The following RYR1 variants were observed in gnomAD, a reference collection of about 807,000 sequenced individuals.
RYR1 encodes ryanodine receptor 1.
A neutral mutation model predicts 583.5 loss-of-function variants in RYR1; 342 were observed. The observed-to-expected ratio is 0.59, with a 90% CI of 0.54 to 0.64. The LOEUF (loss-of-function observed/expected upper bound fraction) is 0.64. RYR1 is among the 30% of genes least tolerant of loss of function. The pLI, the probability that RYR1 is intolerant of heterozygous loss-of-function variation, is 0.00. For synonymous variants in RYR1, 2,791 were observed against 2,822.5 expected (o/e 0.99, Z 0.35); for missense variants, 6,032 against 6,917.2 (o/e 0.87, Z 4.54).
Position 38,466,291 on chromosome 19 carries a change from G to A in RYR1, c.3071G>A (p.Arg1024His), listed in dbSNP as rs148146893. ...CGAAACCCTCGGCTGGTGCCCTACC[G>A]CCTGCTGGATGAAGCCACCAAGCGC... ...ARRNPRLVPYRLLDEATKRSN... is the reference protein window; with the variant it reads ...ARRNPRLVPYHLLDEATKRSN... Residue 1024 changes from arginine to histidine, a missense_variant, in exon 24 of 106, where the codon CGC becomes CAC. Arg to His is a conservative substitution (Grantham distance 29, BLOSUM62 0). Transcript: ENST00000359596. 1.2e-5 allele frequency: 19 copies of A among 1,611,862 alleles called. No individual in the cohort carries two copies. The highest frequency in any genetic ancestry group is 1.2e-4 in the Admixed American group (7 of 59,878).
chr19:38,525,409 G>A lies in RYR1; in HGVS notation c.10533G>A (p.Val3511=). 1 of 1,613,976 alleles carries A rather than the reference G, an allele frequency of 6.2e-7. No individual in the cohort carries two copies. The change falls in exon 71 of 106, where the codon GTG becomes GTA. Residue 3511 remains valine (V), a synonymous_variant. Transcript: ENST00000359596. ...ACTCTGTGCAGACGTCACTGATCGTGGCCACACTGAAGAAGATGCTGCCCA... is the reference window on the plus strand; with the variant it reads ...ACTCTGTGCAGACGTCACTGATCGTAGCCACACTGAAGAAGATGCTGCCCA... ...DRYSVQTSLI[V]ATLKKMLPIG...
chr19:38,524,787 T>C (rs1399495076), intron 70 of RYR1, among the ~76,000 whole-genome samples: 2 of 152,218 alleles, frequency 1.3e-5, no homozygotes, highest in African/African-American at 4.8e-5. Context: ...TGGACCTGCA[T>C]CTTTGTTTCA....
At chr19:38,531,915 TAAAC>T (rs972466969) in intron 76 of RYR1, among the ~76,000 whole-genome samples, 12 of 151,848 alleles carry the variant, frequency 7.9e-5, no homozygotes, top group South Asian at 2.1e-4. Context: ...AAGAACAAAA[TAAAC>T]AAACAAAACA....
chr19:38,477,246 G>C (rs190652790), intron 29 of RYR1, among the ~76,000 whole-genome samples: 1 of 151,948 alleles, frequency 6.6e-6, no homozygotes, highest in East Asian at 1.9e-4. Context: ...AGGTTCAAGC[G>C]ATTCTCCTGC....
chr19:38,502,795 G>C (rs1189244940), intron 48 of RYR1, 68 bp downstream of exon 48: 1 of 1,083,392 alleles, frequency 9.2e-7, no homozygotes, highest in Non-Finnish European at 1.2e-6. Context: ...GCAGGGGCAG[G>C]GGCAGGGGCA....
At position 38,543,290 on chromosome 19, in the gene RYR1, T is replaced by G; in HGVS notation, c.11690-57T>G. 6.9e-7 allele frequency: 1 copy of G among 1,451,908 alleles called. No individual in the cohort carries two copies. The highest frequency in any genetic ancestry group is 9.7e-7 in the Non-Finnish European group (1 of 1,032,112). The allele number at this position is 1,451,908 out of a possible 1,614,324, so 89.9% of individuals were successfully genotyped here. On this transcript the variant is annotated intron_variant, in intron 84 of 105. Coordinates refer to ENST00000359596, the MANE Select transcript of RYR1 (RefSeq NM_000540.3). The surrounding 1 kb of genome is among the most constrained non-coding windows in gnomAD (Gnocchi z 4.4). Reference sequence around the variant, plus strand: ...TTGCATAAATGAATAAATGACCCACTGTTCATCTCCCCTAGCACATGGGAG... The same window carrying G: ...TTGCATAAATGAATAAATGACCCACGGTTCATCTCCCCTAGCACATGGGAG...
rs778153226 is a variant in RYR1 at position 38,446,552 on chromosome 19, G to A, written c.712G>A (p.Asp238Asn). The change falls in exon 8 of 106, where the codon GAT (aspartate) becomes AAT (asparagine). Residue 238 changes from aspartate (D) to asparagine (N), a missense_variant. Physicochemically the swap from Asp to Asn is conservative, Grantham distance 23. This residue lies in a region of RYR1 where 338 missense variants were observed against 441.6 expected (regional missense o/e 0.77). Transcript: ENST00000359596. Reference protein sequence around the residue: ...ECLTISPADSDDQRRLVYYEG... With the variant: ...ECLTISPADSNDQRRLVYYEG... ...TCTGACCATTTCCCCTGCTGACAGT[G>A]ATGACCAGCGCAGGTCTGGGCTGTG... 8 of 1,613,958 alleles carry A rather than the reference G, an allele frequency of 5.0e-6. No individual in the cohort carries two copies. Among genetic ancestry groups the A allele is most frequent in the Non-Finnish European group, 6.8e-6 (8 of 1,179,810 alleles).
Position 38,466,102 on chromosome 19 carries a change from G to A in RYR1, c.2882G>A (p.Ser961Asn), listed in dbSNP as rs1448424607. 2.5e-6 allele frequency: 4 copies of A among 1,610,468 alleles called. No individual in the cohort carries two copies. Among genetic ancestry groups the A allele is most frequent in the Non-Finnish European group, 1.7e-6 (2 of 1,178,658 alleles). Residue 961 changes from serine to asparagine, a missense_variant, in exon 24 of 106, where the codon AGC becomes AAC. Coordinates refer to ENST00000359596, the MANE Select transcript of RYR1 (RefSeq NM_000540.3). Reference protein sequence around the residue: ...KTKLPKTYMMSNGYKPAPLDL... With the variant: ...KTKLPKTYMMNNGYKPAPLDL... ...TACCATGCCCGCAGGTATATGATGA[G>A]CAATGGGTACAAGCCGGCTCCGCTG...
chr19:38,527,705 G>T lies in RYR1; in HGVS notation c.10745G>T (p.Arg3582Leu), dbSNP rs142491855. 3.1e-6 allele frequency: 5 copies of T among 1,614,132 alleles called. No homozygotes were observed. The highest frequency in any genetic ancestry group is 4.2e-6 in the Non-Finnish European group (5 of 1,180,036). ...QMALYRGVPG[R>L]EEDADDPEKI... ...GCTCTGTACCGGGGCGTCCCGGGTC[G>T]CGAGGAGGACGCCGATGACCCCGAG... The change falls in exon 73 of 106, where the codon CGC (arginine) becomes CTC (leucine). Residue 3582 changes from arginine to leucine, a missense_variant. Physicochemically the swap from Arg to Leu is moderately radical, Grantham distance 102 (BLOSUM62 -2). Transcript: ENST00000359596.
chr19:38,447,856 A>C (rs141710503), intron 9 of RYR1, among the ~76,000 whole-genome samples: 1 of 128,662 alleles, frequency 7.8e-6, no homozygotes, highest in Non-Finnish European at 1.7e-5. Context: ...AAAAAAAAAA[A>C]AACAAGCAAA....
rs750741743 is a variant in RYR1, at chr19:38,546,432, C to G, written c.12013-13C>G. 11 of 1,612,942 alleles carry G rather than the reference C, an allele frequency of 6.8e-6. No individual in the cohort carries two copies. The South Asian group carries it at 9.9e-5, about 14-fold the overall frequency. On this transcript the variant is annotated splice_polypyrimidine_tract_variant and intron_variant, in intron 87 of 105. Transcript: ENST00000359596. ...TATGCTGAGACCAGCCCTCACCGAG[C>G]TGGGATCTCTAGGACTCAAGCCAGA...
rs765912554 is a variant in RYR1 at position 38,455,538 on chromosome 19, C to A, written c.1664C>A (p.Ala555Asp). Residue 555 changes from alanine (A) to aspartate (D), a missense_variant, in exon 15 of 106, where the codon GCC becomes GAC. Ala to Asp is a moderately radical substitution (Grantham distance 126, BLOSUM62 -2). Around this residue, in one of 11 missense-constraint regions of RYR1, gnomAD observed 2,627 missense variants for 2,961.3 expected, o/e 0.89. Transcript: ENST00000359596. ...GTCAGCAAGCTGGATCGGCTGGAGG[C>A]CTCGTCTGGTAGGAGAACCCGGGGG... is the stretch of plus-strand genomic sequence containing the variant. ...WLVSKLDRLE[A>D]SSGILEVLYC... is the part of the protein sequence containing the mutation. The A allele has an allele frequency of 1.9e-6, 3 of 1,613,920 alleles. No individual in the cohort carries two copies. The highest frequency in any genetic ancestry group is 2.7e-5 in the African/African-American group (2 of 74,884).
chr19:38,580,259 G>A, intron 100 of RYR1, 111 bp from the exon 101 acceptor site: 4 of 1,588,694 alleles, frequency 2.5e-6, no homozygotes, highest in Admixed American at 3.5e-5. Context: ...GGGGTGTGTG[G>A]GGCAGCAAGG....
intron 21 of RYR1, 82 bp downstream of exon 21, chr19:38,463,609 G>A: frequency 6.7e-7 from 1 of 1,502,670 alleles, no homozygotes; most frequent in Non-Finnish European, 9.3e-7. Flanking sequence ...CGGAGAGGAG[G>A]GAGGGACCAC....
At chr19:38,578,256 G>C (rs777456101) in intron 99 of RYR1, 52 bp downstream of exon 99, 8 of 1,589,596 alleles carry the variant, frequency 5.0e-6, no homozygotes, top group Non-Finnish European at 6.9e-6. Context: ...TGGGGCGTTA[G>C]GAGGGTTCCC....
chr19:38,528,831 C>T (rs1971602461), intron 75 of RYR1, 120 bp from the exon 76 acceptor site: 5 of 1,433,946 alleles, frequency 3.5e-6, no homozygotes, highest in Admixed American at 1.8e-5. Context: ...TTGAGTAGAA[C>T]CAAAGTAGGG....
At chr19:38,505,130 T>TC (rs765032497) in intron 52 of RYR1, 49 bp downstream of exon 52, 1 of 1,552,830 alleles carries the variant, frequency 6.4e-7, no homozygotes, top group Admixed American at 1.7e-5. Flanking sequence ...ACCCCAGCTT[T>TC]CCCCCCGACC....
At chr19:38,464,775 C>T in intron 23 of RYR1, 53 bp downstream of exon 23, 1 of 1,498,194 alleles carries the variant, frequency 6.7e-7, no homozygotes, top group Non-Finnish European at 9.1e-7. Flanking sequence ...GCTGGGGATG[C>T]TGTGCTAAGG....
intron 27 of RYR1, among the ~76,000 whole-genome samples, chr19:38,469,975 C>A (rs1173735046): frequency 1.3e-5 from 2 of 151,918 alleles, no homozygotes; most frequent in Admixed American, 1.3e-4. Context: ...GAGGTTGAGA[C>A]TGGAGGATTG....
Sources: gnomAD v4.1 joint callset for allele counts (sites outside exome capture counted in the v4.1 genomes callset) on GRCh38, gnomAD v4.1.1 for gene constraint, gnomAD v4.1.1 regional missense constraint, Gnocchi (gnomAD v3.1) non-coding constraint, MANE v1.5 for transcripts, NCBI Gene and HGNC (gene_info 2026-07-23, HGNC 2026-07-21) for gene names.